Variants in KIF27 observed in about 807,000 individuals in gnomAD.
KIF27 encodes kinesin family member 27, also known as kinesin-like protein KIF27.
A neutral mutation model predicts 141.8 loss-of-function variants in KIF27; 84 were observed. That is an observed-to-expected ratio of 0.59 (90% CI 0.50 to 0.71). The LOEUF (loss-of-function observed/expected upper bound fraction) is 0.71, where lower values mean the gene tolerates loss of function less well. Among genes scored for constraint, KIF27 ranks in the 30% least tolerant of loss-of-function variants. The pLI is 0.00. For missense variants in KIF27, 1,306 were observed against 1,628.4 expected, an observed-to-expected ratio of 0.80 and a Z score of 3.41; for synonymous variants, 471 against 569.5, an observed-to-expected ratio of 0.83 and a Z score of 2.46.
At chr9:83,870,702 A>G in intron 11 of KIF27, 70 bp from the exon 12 acceptor site, 1 of 1,215,538 alleles carries the variant, frequency 8.2e-7, no homozygotes, top group South Asian at 2.3e-5. Flanking sequence ...GATGACAATT[A>G]TTTTCTTTTT....
intron 10 of KIF27, among the ~76,000 whole-genome samples, chr9:83,880,970 T>C (rs1951630656): frequency 6.6e-6 from 1 of 152,144 alleles, no homozygotes; most frequent in Non-Finnish European, 1.5e-5. Context: ...TATAGACTAC[T>C]GTCTCCCTTT....
intron 16 of KIF27, among the ~76,000 whole-genome samples, chr9:83,843,690 TGTCA>T (rs1278166857): frequency 6.6e-6 from 1 of 152,182 alleles, no homozygotes; most frequent in Non-Finnish European, 1.5e-5. Flanking sequence ...TTGTTTACAT[TGTCA>T]GTTATAACTT....
rs765627613 is a variant in KIF27, at chr9:83,891,418, T to C, written c.1686A>G (p.Ser562=). 21 of 1,613,858 alleles carry C rather than the reference T, an allele frequency of 1.3e-5. No homozygotes were observed. Among genetic ancestry groups the C allele is most frequent in the Non-Finnish European group, 1.8e-5 (21 of 1,179,882 alleles). Residue 562 remains serine (S), a synonymous_variant, in exon 6 of 18, where the codon TCA becomes TCG. Transcript: ENST00000297814. ...LTKLNLSVTS[S]AKENCGDGPD... ...GCCCATCTCCACAATTTTCTTTAGC[T>C]GAAGAAGTCACTGACAGGTTAAGTT...
intron 2 of KIF27, 66 bp downstream of exon 2, chr9:83,915,228 G>C: frequency 7.5e-7 from 1 of 1,324,952 alleles, no homozygotes. Context: ...CATGTGTCAG[G>C]TATTGGTCAT....
intron 6 of KIF27, among the ~76,000 whole-genome samples, chr9:83,889,730 T>A (rs1952487057): frequency 6.6e-6 from 1 of 151,940 alleles, no homozygotes; most frequent in Non-Finnish European, 1.5e-5. Flanking sequence ...CAGGGCAATA[T>A]TCCTAATCTG....
chr9:83,913,803 TAAAC>T (rs1336169643), intron 2 of KIF27, among the ~76,000 whole-genome samples: 1 of 152,168 alleles, frequency 6.6e-6, no homozygotes, highest in African/African-American at 2.4e-5. Context: ...AATATCTCAT[TAAAC>T]AAACAAAAAC....
At chr9:83,897,730 C>T (rs1018902386) in intron 5 of KIF27, among the ~76,000 whole-genome samples, 4 of 151,712 alleles carry the variant, frequency 2.6e-5, no homozygotes, top group African/African-American at 7.3e-5. Flanking sequence ...CCAGAATATA[C>T]AACAAACTTC....
intron 16 of KIF27, among the ~76,000 whole-genome samples, chr9:83,846,103 C>T (rs547500314): frequency 3.5e-4 from 54 of 152,124 alleles, no homozygotes; most frequent in Non-Finnish European, 2.5e-4. Flanking sequence ...GACCTGGCTA[C>T]GGCCACTGCT....
chr9:83,864,846 A>T (rs943789439), intron 13 of KIF27, among the ~76,000 whole-genome samples: 4 of 152,126 alleles, frequency 2.6e-5, no homozygotes, highest in Admixed American at 6.5e-5. Context: ...TTGCTTTATG[A>T]ATCTGGGTGC....
At chr9:83,889,467 C>A (rs1952458064) in intron 6 of KIF27, among the ~76,000 whole-genome samples, 1 of 152,184 alleles carries the variant, frequency 6.6e-6, no homozygotes, top group Non-Finnish European at 1.5e-5. Flanking sequence ...ATCCACACAG[C>A]TCCTTCTCTT....
chr9:83,903,461 A>C lies in KIF27; in HGVS notation c.1057T>G (p.Ser353Ala). Residue 353 changes from serine (S) to alanine (A), a missense_variant, in exon 4 of 18, where the codon TCA becomes GCA. By Grantham distance (99) the Ser-to-Ala change is moderately conservative. Coordinates refer to ENST00000297814, the MANE Select transcript of KIF27 (RefSeq NM_017576.4). ...AATTCCATTTCATCTATACGGTCTG[A>C]CTCGGGGCTGAAGTTTACAGTGGGT... is the stretch of plus-strand genomic sequence containing the variant. ...NKPTVNFSPE[S>A]DRIDEMEFEI... 2 of 1,613,984 alleles carry C rather than the reference A, an allele frequency of 1.2e-6. No individual in the cohort carries two copies.
Position 83,899,531 on chromosome 9 carries a change from G to A in KIF27, c.1602+130C>T, listed in dbSNP as rs1030897784. On this transcript the variant is annotated intron_variant, in intron 5 of 17. Coordinates refer to ENST00000297814, the MANE Select transcript of KIF27 (RefSeq NM_017576.4). ...AAGGAAAAACTAATAATTCTTTCAGGTGCCTATGTTCAGAACTCTTCAAAT... is the reference window on the plus strand; with the variant it reads ...AAGGAAAAACTAATAATTCTTTCAGATGCCTATGTTCAGAACTCTTCAAAT... 1.0e-5 allele frequency: 6 copies of A among 585,952 alleles called. No homozygotes were observed. In the East Asian group the frequency reaches 1.2e-4, roughly 11 times the overall value. 36.3% of individuals were successfully genotyped at this position (585,952 alleles called of 1,614,324 possible).
At chr9:83,852,513 A>T (rs988239490) in intron 15 of KIF27, among the ~76,000 whole-genome samples, 31 of 152,228 alleles carry the variant, frequency 2.0e-4, no homozygotes, top group East Asian at 1.9e-3. Flanking sequence ...CCCTCCAAAC[A>T]TGCAGCAATA....
intron 1 of KIF27, among the ~76,000 whole-genome samples, chr9:83,917,111 TCCTAATGCTATCC>T (rs1231084411): frequency 6.6e-6 from 1 of 152,046 alleles, no homozygotes; most frequent in Non-Finnish European, 1.5e-5. Flanking sequence ...TAGGTATATC[TCCTAATGCTATCC>T]CTCCCCCCTT....
Position 83,903,555 on chromosome 9 carries a change from G to A in KIF27, c.963C>T (p.Ser321=), listed in dbSNP as rs1400838798. The A allele has an allele frequency of 1.2e-6, 2 of 1,614,046 alleles. No individual in the cohort carries two copies. Among genetic ancestry groups the A allele is most frequent in the Admixed American group, 3.3e-5 (2 of 60,008 alleles). The change falls in exon 4 of 18, where the codon TCC becomes TCT. Residue 321 remains serine, a synonymous_variant. Coordinates refer to ENST00000297814, the MANE Select transcript of KIF27 (RefSeq NM_017576.4). Reference sequence around the variant, plus strand: ...TTAAGGACTCATCAAAATTCGAGGAGGAGGGGCTGACACATGTGATCATGA... The same window carrying A: ...TTAAGGACTCATCAAAATTCGAGGAAGAGGGGCTGACACATGTGATCATGA... The part of the protein sequence containing the change: ...KTVMITCVSP[S]SSNFDESLNS...
intron 5 of KIF27, among the ~76,000 whole-genome samples, chr9:83,899,172 T>C (rs998101988): frequency 1.3e-5 from 2 of 152,164 alleles, no homozygotes; most frequent in African/African-American, 4.8e-5. Flanking sequence ...GAGTTTAATA[T>C]GTAGAGGCAT....
chr9:83,870,699 ATT>A, intron 11 of KIF27, 67 bp from the exon 12 acceptor site: 1 of 1,445,382 alleles, frequency 6.9e-7, no homozygotes. Flanking sequence ...GCTGATGACA[ATT>A]ATTTTCTTTT....
At chr9:83,861,253 A>G (rs1249516983) in intron 13 of KIF27, among the ~76,000 whole-genome samples, 1 of 151,904 alleles carries the variant, frequency 6.6e-6, no homozygotes, top group Non-Finnish European at 1.5e-5. Flanking sequence ...ATATGTATAC[A>G]TGGGCCATGT....
chr9:83,906,523 T>C (rs1954554269), intron 3 of KIF27, among the ~76,000 whole-genome samples: 1 of 151,896 alleles, frequency 6.6e-6, no homozygotes, highest in South Asian at 2.1e-4. Context: ...GGCAGATCTC[T>C]TGAGCCCAAG....
Sources: allele counts gnomAD v4.1 joint callset (sites outside exome capture counted in the v4.1 genomes callset), GRCh38; gene constraint gnomAD v4.1.1; transcripts MANE v1.5; gene names NCBI Gene and HGNC (gene_info 2026-07-23, HGNC 2026-07-21).